Variants in DNAAF1 observed in about 807,000 individuals in gnomAD.
DNAAF1 encodes dynein assembly factor 1, axonemal.
DNAAF1 carries 65 observed loss-of-function variants against 71.1 expected under a neutral mutation model. The observed-to-expected ratio is 0.91, with a 90% CI of 0.75 to 1.12. The LOEUF is 1.12. Among genes scored for constraint, DNAAF1 ranks in the 50% most tolerant of loss-of-function variants. DNAAF1 has a pLI of 0.00. For missense variants in DNAAF1, 1,178 were observed against 899.8 expected, an observed-to-expected ratio of 1.31 and a Z score of -3.96; for synonymous variants, 414 against 354.6, an observed-to-expected ratio of 1.17 and a Z score of -1.88.
chr16:84,153,181 T>C (rs547937309), intron 3 of DNAAF1, among the ~76,000 whole-genome samples: 3 of 152,332 alleles, frequency 2.0e-5, no homozygotes, highest in Non-Finnish European at 4.4e-5. Flanking sequence ...AGATACTGAC[T>C]TCAGCATGAA....
intron 3 of DNAAF1, among the ~76,000 whole-genome samples, chr16:84,152,085 G>A (rs2087212476): frequency 6.6e-6 from 1 of 152,232 alleles, no homozygotes; most frequent in African/African-American, 2.4e-5. Flanking sequence ...GCCTTGGAAT[G>A]GTCAAGGGCT....
chr16:84,152,113 C>T (rs1263066097), intron 3 of DNAAF1, among the ~76,000 whole-genome samples: 5 of 152,140 alleles, frequency 3.3e-5, no homozygotes, highest in African/African-American at 4.8e-5. Flanking sequence ...CTGACCGTAG[C>T]GTGTAGCAGT....
rs372963196 is a variant in DNAAF1 at position 84,148,370 on chromosome 16, A to C, written c.125-637A>C. On this transcript the variant is annotated intron_variant, in intron 1 of 11. Transcript: ENST00000378553. ...GCATTCTTCTCAAAGGTAGAAAAGCAAGTCATTGTTTTATGTAACCAGCCC... is the reference window on the plus strand; with the variant it reads ...GCATTCTTCTCAAAGGTAGAAAAGCCAGTCATTGTTTTATGTAACCAGCCC... Among the ~76,000 whole-genome samples, 193 of 152,230 alleles carry C rather than the reference A, an allele frequency of 1.3e-3. 5 individuals carry two copies. The South Asian group carries it at 0.035, about 28-fold the overall frequency.
intron 6 of DNAAF1, among the ~76,000 whole-genome samples, chr16:84,160,290 T>C (rs906103617): frequency 2.0e-5 from 3 of 152,242 alleles, no homozygotes; most frequent in South Asian, 4.1e-4. Flanking sequence ...TGGACACTTA[T>C]AGTTCCTCCT....
At chr16:84,177,640 A>G (rs759408221) in intron 11 of DNAAF1, 89 bp from the exon 12 acceptor site, 1 of 1,129,318 alleles carries the variant, frequency 8.9e-7, no homozygotes, top group Non-Finnish European at 1.3e-6. Context: ...AGGACACTGA[A>G]TTTGGCCTGG....
At chr16:84,155,277 G>C (rs1258160168) in intron 4 of DNAAF1, among the ~76,000 whole-genome samples, 1 of 152,156 alleles carries the variant, frequency 6.6e-6, no homozygotes, top group Non-Finnish European at 1.5e-5. Flanking sequence ...CACCCAGGCT[G>C]AAATGCAGTG....
chr16:84,166,094 G>A, intron 7 of DNAAF1, 145 bp downstream of exon 7: 2 of 1,166,622 alleles, frequency 1.7e-6, no homozygotes, highest in Non-Finnish European at 2.4e-6. Flanking sequence ...CACTGAGGTT[G>A]CAAAGTTGGA....
Position 84,155,571 on chromosome 16 carries a change from C to T in DNAAF1, c.575-12C>T. On this transcript the variant is annotated splice_polypyrimidine_tract_variant and intron_variant, in intron 4 of 11. Coordinates refer to ENST00000378553, the MANE Select transcript of DNAAF1 (RefSeq NM_178452.6). ...GCCTTTGTTTTTGACTTCTGCTGAC[C>T]TTACCTTCCAGCCTGCCTCCCAGTC... 6.2e-7 allele frequency: 1 copy of T among 1,613,968 alleles called. No homozygotes were observed. The highest frequency in any genetic ancestry group is 8.5e-7 in the Non-Finnish European group (1 of 1,179,954).
At chr16:84,153,207 T>C (rs1201503129) in intron 3 of DNAAF1, among the ~76,000 whole-genome samples, 9 of 152,162 alleles carry the variant, frequency 5.9e-5, no homozygotes, top group Admixed American at 1.3e-4. Context: ...TGGAGCAATA[T>C]GGCAAATACT....
chr16:84,177,549 G>C, intron 11 of DNAAF1, 180 bp from the exon 12 acceptor site: 1 of 608,940 alleles, frequency 1.6e-6, no homozygotes, highest in Non-Finnish European at 3.0e-6. Context: ...GGCTGGTCTC[G>C]AACTCCTGAC....
At position 84,169,980 on chromosome 16, in the gene DNAAF1, G is replaced by A; in HGVS notation, c.1152G>A (p.Glu384=). 1 of 1,614,056 alleles carries A rather than the reference G, an allele frequency of 6.2e-7. No homozygotes were observed. The highest frequency in any genetic ancestry group is 8.5e-7 in the Non-Finnish European group (1 of 1,180,050). Residue 384 remains glutamate, a synonymous_variant, in exon 8 of 12, where the codon GAG becomes GAA. Transcript: ENST00000378553. The part of the protein sequence containing the change: ...KMELFVKESF[E]AKDELCPEKP... ...AGCTATTTGTTAAGGAAAGCTTTGA[G>A]GCCAAGGACGAGCTCTGCCCGGAAA...
At chr16:84,157,710 A>G (rs779862972) in intron 5 of DNAAF1, among the ~76,000 whole-genome samples, 3 of 152,154 alleles carry the variant, frequency 2.0e-5, no homozygotes, top group African/African-American at 4.8e-5. Flanking sequence ...CGCTTAGGCT[A>G]TTGATAAACA....
chr16:84,149,343 G>C (rs1234833576), intron 2 of DNAAF1, among the ~76,000 whole-genome samples: 1 of 152,142 alleles, frequency 6.6e-6, no homozygotes, highest in Non-Finnish European at 1.5e-5. Flanking sequence ...ACTGCAGAGA[G>C]GAACAGCAGT....
Position 84,170,019 on chromosome 16 carries a change from G to A in DNAAF1, c.1191G>A (p.Glu397=). 1 of 1,613,892 alleles carries A rather than the reference G, an allele frequency of 6.2e-7. No individual in the cohort carries two copies. The highest frequency in any genetic ancestry group is 8.5e-7 in the Non-Finnish European group (1 of 1,180,030). Reference sequence around the variant, plus strand: ...TCTGCCCGGAAAAGCCAAGTGGAGAGGAGCCGCCTGTGGAGGCTAAAAGAG... The same window carrying A: ...TCTGCCCGGAAAAGCCAAGTGGAGAAGAGCCGCCTGTGGAGGCTAAAAGAG... ...DELCPEKPSG[E]EPPVEAKRED... is the part of the protein sequence containing the mutation. Residue 397 remains glutamate, a synonymous_variant, in exon 8 of 12, where the codon GAG becomes GAA. Transcript: ENST00000378553.
intron 11 of DNAAF1, chr16:84,176,697 G>T: frequency 3.1e-6 from 1 of 324,830 alleles, no homozygotes; most frequent in South Asian, 2.8e-5. Context: ...ACCACTGCTG[G>T]GGAGTGTGGG....
intron 7 of DNAAF1, among the ~76,000 whole-genome samples, chr16:84,169,272 G>A (rs1284203844): frequency 3.3e-5 from 5 of 149,784 alleles, no homozygotes; most frequent in Admixed American, 6.7e-5. Context: ...TTTCACTAGA[G>A]ATGAGGTTTC....
chr16:84,175,551 A>C (rs62049866), intron 10 of DNAAF1: 42,883 of 277,272 alleles, frequency 0.15, 4,591 homozygotes, highest in African/African-American at 0.35. Flanking sequence ...TCAGCAGCAA[A>C]GAAAACAGAC....
chr16:84,167,001 C>G (rs1265149212), intron 7 of DNAAF1, among the ~76,000 whole-genome samples: 1 of 152,134 alleles, frequency 6.6e-6, no homozygotes, highest in Non-Finnish European at 1.5e-5. Context: ...ACTAACCGCA[C>G]AAGTGATGGG....
At chr16:84,174,854 T>G in intron 10 of DNAAF1, 132 bp downstream of exon 10, 1 of 1,211,042 alleles carries the variant, frequency 8.3e-7, no homozygotes, top group Non-Finnish European at 1.2e-6. Flanking sequence ...CCCCATATTC[T>G]TTTTCTTTTC....
Sources: gnomAD v4.1 joint callset for allele counts (sites outside exome capture counted in the v4.1 genomes callset) on GRCh38, gnomAD v4.1.1 for gene constraint, MANE v1.5 for transcripts, NCBI Gene and HGNC (gene_info 2026-07-23, HGNC 2026-07-21) for gene names.